NUCB1: variants seen among roughly 807,000 people sequenced by gnomAD.
NUCB1 encodes nucleobindin 1.
In NUCB1, 47 loss-of-function variants were observed where a neutral mutation model predicts 61.2. The ratio of observed to expected loss-of-function variants is 0.77; its 90% CI spans 0.61 to 0.98. The LOEUF is 0.98. Among genes scored for constraint, NUCB1 ranks in the 50% least tolerant of loss-of-function variants. NUCB1 has a pLI of 0.00. For synonymous variants in NUCB1, 234 were observed against 243.1 expected, an observed-to-expected ratio of 0.96 and a Z score of 0.35; for missense variants, 583 against 605.3, an observed-to-expected ratio of 0.96 and a Z score of 0.39.
chr19:48,921,088 CCT>C, intron 10 of NUCB1, 64 bp from the exon 11 acceptor site: 2 of 1,516,390 alleles, frequency 1.3e-6, no homozygotes, highest in Non-Finnish European at 1.8e-6. Flanking sequence ...TTGGCACAAC[CCT>C]CTCCAACATG....
chr19:48,921,377 C>T (rs774720814), intron 11 of NUCB1, 53 bp downstream of exon 11: 54 of 1,541,368 alleles, frequency 3.5e-5, no homozygotes, highest in South Asian at 1.3e-4. Flanking sequence ...TGCCCGTGTC[C>T]GTGTCCCCAT....
chr19:48,919,973 C>T (rs1301948910), intron 10 of NUCB1, among the ~76,000 whole-genome samples: 6 of 151,556 alleles, frequency 4.0e-5, no homozygotes, highest in East Asian at 1.9e-4. Context: ...TTTGCCATAT[C>T]GGCCAGGCTG....
intron 10 of NUCB1, among the ~76,000 whole-genome samples, 156 bp from the exon 11 acceptor site, chr19:48,920,998 A>G (rs1193303351): frequency 6.6e-6 from 1 of 152,036 alleles, no homozygotes; most frequent in Non-Finnish European, 1.5e-5. Flanking sequence ...CTCGGTCTTT[A>G]TCCCACTCCC....
At chr19:48,917,228 A>G (rs1016738550) in intron 7 of NUCB1, among the ~76,000 whole-genome samples, 2 of 152,196 alleles carry the variant, frequency 1.3e-5, no homozygotes, top group African/African-American at 4.8e-5. Context: ...GTCTCTAAAA[A>G]ATAAAAAAAT....
chr19:48,902,996 G>A (rs985983017), intron 2 of NUCB1, among the ~76,000 whole-genome samples: 6 of 151,604 alleles, frequency 4.0e-5, no homozygotes, highest in African/African-American at 1.2e-4. Flanking sequence ...AGGCTGAAGC[G>A]CAGTGGCAGG....
intron 4 of NUCB1, 35 bp downstream of exon 4, chr19:48,905,920 A>ACTGGCGGGGT: frequency 2.1e-6 from 1 of 473,426 alleles, no homozygotes; most frequent in Non-Finnish European, 3.9e-6. Flanking sequence ...ACAGGCAGGG[A>ACTGGCGGGGT]GGGGTGGGGA....
At chr19:48,903,791 T>C (rs866169121) in intron 2 of NUCB1, among the ~76,000 whole-genome samples, 2 of 145,212 alleles carry the variant, frequency 1.4e-5, no homozygotes, top group Non-Finnish European at 3.0e-5. Context: ...GATGGATAGA[T>C]GGATGGATGG....
chr19:48,902,937 G>GTA (rs111291447), intron 2 of NUCB1, among the ~76,000 whole-genome samples: 9,785 of 146,788 alleles, frequency 0.067, 739 homozygotes, highest in African/African-American at 0.19. Flanking sequence ...GGTAAAGAAT[G>GTA]TATATATATA....
In NUCB1 at chr19:48,911,524, G is replaced by A. The variant is rs917155636; in HGVS notation, c.480+272G>A. Among the ~76,000 whole-genome samples the A allele has an allele frequency of 2.7e-5, 4 of 150,848 alleles. No homozygotes were observed. The Admixed American group carries it at 2.7e-4, about 10-fold the overall frequency. ...GGGTTCAAGCGATTCTCCTGCCTCA[G>A]CCTCCCGAGTAGCTAGGATTACAGG... On this transcript the variant is annotated intron_variant, in intron 5 of 12. Coordinates refer to ENST00000405315, the MANE Select transcript of NUCB1 (RefSeq NM_006184.6).
intron 10 of NUCB1, among the ~76,000 whole-genome samples, chr19:48,919,761 ATTT>A (rs869087543): frequency 3.7e-5 from 3 of 80,988 alleles, no homozygotes; most frequent in Admixed American, 3.9e-4. Flanking sequence ...TAGAGGTGTG[ATTT>A]TTTTTTTTTT....
intron 4 of NUCB1, among the ~76,000 whole-genome samples, chr19:48,909,330 C>G (rs1021663513): frequency 6.6e-6 from 1 of 151,804 alleles, no homozygotes; most frequent in African/African-American, 2.4e-5. Context: ...TCACTGCAAC[C>G]TCTGCCTCCC....
At chr19:48,914,234 C>G (rs1279828318) in intron 7 of NUCB1, among the ~76,000 whole-genome samples, 3 of 152,022 alleles carry the variant, frequency 2.0e-5, no homozygotes, top group Non-Finnish European at 2.9e-5. Context: ...CTCAGCATCC[C>G]AAAGTGCTAG....
At chr19:48,916,079 C>T (rs1360954332) in intron 7 of NUCB1, among the ~76,000 whole-genome samples, 2 of 152,114 alleles carry the variant, frequency 1.3e-5, no homozygotes, top group African/African-American at 4.8e-5. Flanking sequence ...CCCTTCTTTC[C>T]CCTGCTCTCT....
Position 48,905,854 on chromosome 19 carries a change from C to T in NUCB1, c.345C>T (p.Leu115=), listed in dbSNP as rs764919691. 2.6e-6 allele frequency: 4 copies of T among 1,540,950 alleles called. No homozygotes were observed. Among genetic ancestry groups the T allele is most frequent in the Admixed American group, 1.8e-5 (1 of 55,732 alleles). ...AGGTGTCACGGCTGCGGATGCTGCT[C>T]AAGGCCAAGATGGACGCCGAGCAGG... ...RQEVSRLRML[L]KAKMDAEQDP... Residue 115 remains leucine, a synonymous_variant, in exon 4 of 13, where the codon CTC becomes CTT. Coordinates refer to ENST00000405315, the MANE Select transcript of NUCB1 (RefSeq NM_006184.6).
intron 11 of NUCB1, 38 bp downstream of exon 11, chr19:48,921,362 C>T (rs1240844969): frequency 1.3e-6 from 2 of 1,553,390 alleles, no homozygotes; most frequent in South Asian, 1.2e-5. Flanking sequence ...CACTGAATCT[C>T]TGGCTGCCCG....
In NUCB1 at chr19:48,905,851, G is replaced by T. The variant is rs1168529165; in HGVS notation, c.342G>T (p.Leu114=). ...AGGAGGTGTCACGGCTGCGGATGCT[G>T]CTCAAGGCCAAGATGGACGCCGAGC... ...KRQEVSRLRM[L]LKAKMDAEQD... Residue 114 remains leucine, a synonymous_variant, in exon 4 of 13, where the codon CTG becomes CTT. Transcript: ENST00000405315. 1 of 1,489,258 alleles carries T rather than the reference G, an allele frequency of 6.7e-7. No homozygotes were observed. The highest frequency in any genetic ancestry group is 9.1e-7 in the Non-Finnish European group (1 of 1,102,562). 92.3% of individuals were successfully genotyped at this position (1,489,258 alleles called of 1,614,324 possible). A position where few individuals can be genotyped will look rare whatever the true frequency, so the allele number is the denominator to read the frequency against.
chr19:48,902,937 G>GTATA (rs111291447), intron 2 of NUCB1, among the ~76,000 whole-genome samples: 47,366 of 146,582 alleles, frequency 0.32, 7,700 homozygotes, highest in South Asian at 0.39. Context: ...GGTAAAGAAT[G>GTATA]TATATATATA....
At chr19:48,910,138 G>A (rs913485218) in intron 4 of NUCB1, among the ~76,000 whole-genome samples, 3 of 151,848 alleles carry the variant, frequency 2.0e-5, no homozygotes, top group Admixed American at 1.3e-4. Flanking sequence ...GTGCAGTGGC[G>A]TGATCTCGGC....
intron 4 of NUCB1, among the ~76,000 whole-genome samples, chr19:48,906,227 A>C (rs1318037390): frequency 6.6e-6 from 1 of 152,056 alleles, no homozygotes; most frequent in Non-Finnish European, 1.5e-5. Context: ...CAACATGGTG[A>C]AACCCCATAT....
Sources: allele counts gnomAD v4.1 joint callset (sites outside exome capture counted in the v4.1 genomes callset), GRCh38; gene constraint gnomAD v4.1.1; transcripts MANE v1.5; gene names NCBI Gene and HGNC (gene_info 2026-07-23, HGNC 2026-07-21).